Variants in PARD3B observed in about 807,000 individuals in gnomAD.
PARD3B encodes the protein partitioning defective 3 homolog B.
Under a neutral mutation model 130.2 loss-of-function variants are expected in PARD3B, and 103 were observed. The ratio of observed to expected loss-of-function variants is 0.79; its 90% CI spans 0.67 to 0.93. PARD3B has a LOEUF of 0.93. Ranked by LOEUF, PARD3B falls within the 40% of genes least tolerant of loss-of-function variation. PARD3B has a pLI of 0.00. For missense variants in PARD3B, 1,609 were observed against 1,499.2 expected (o/e 1.07, Z -1.21); for synonymous variants, 583 against 553.2 (o/e 1.05, Z -0.76).
In PARD3B at chr2:205,230,318, C is replaced by T. The variant is rs2038769544; in HGVS notation, c.2141-15460C>T. On this transcript the variant is annotated intron_variant, in intron 15 of 22. Coordinates refer to ENST00000406610, the MANE Select transcript of PARD3B (RefSeq NM_001302769.2). The surrounding 1 kb of genome is among the most constrained non-coding windows in gnomAD (Gnocchi z 4.1). Reference sequence around the variant, plus strand: ...TGCCTGGCTACTGCTGCTAATTATTCAGGACCCACATTTTCTTTAGTCAGC... The same window carrying T: ...TGCCTGGCTACTGCTGCTAATTATTTAGGACCCACATTTTCTTTAGTCAGC... 6.6e-6 allele frequency among the ~76,000 whole-genome samples: 1 copy of T among 152,130 alleles called. No individual in the cohort carries two copies. Among genetic ancestry groups the T allele is most frequent in the Non-Finnish European group, 1.5e-5 (1 of 68,014 alleles).
chr2:204,974,765 T>C (rs1439233947), intron 3 of PARD3B, among the ~76,000 whole-genome samples: 1 of 152,238 alleles, frequency 6.6e-6, no homozygotes, highest in Admixed American at 6.5e-5. Flanking sequence ...TCTTTTTAGA[T>C]GATTGGTCTT....
chr2:204,760,575 C>G (rs76667426), intron 2 of PARD3B, among the ~76,000 whole-genome samples: 2,841 of 152,072 alleles, frequency 0.019, 38 homozygotes, highest in South Asian at 0.051. Context: ...AAGGAAGTTT[C>G]AACTTCTTGG....
At chr2:205,556,147 G>A (rs527951869) in intron 22 of PARD3B, among the ~76,000 whole-genome samples, 1 of 152,292 alleles carries the variant, frequency 6.6e-6, no homozygotes, top group Non-Finnish European at 1.5e-5. Flanking sequence ...CTTCATCACA[G>A]AGGCCGGGAG....
At chr2:205,023,852 A>T (rs1696815585) in intron 3 of PARD3B, among the ~76,000 whole-genome samples, 1 of 152,112 alleles carries the variant, frequency 6.6e-6, no homozygotes, top group Non-Finnish European at 1.5e-5. Flanking sequence ...CGGCAGCTCC[A>T]GATCTTGACT....
chr2:204,617,593 C>T (rs574106704), intron 1 of PARD3B, among the ~76,000 whole-genome samples: 3 of 152,060 alleles, frequency 2.0e-5, no homozygotes, highest in East Asian at 3.9e-4. Context: ...TCAAGGGGTA[C>T]ATGTGCAGGT....
intron 11 of PARD3B, among the ~76,000 whole-genome samples, chr2:205,167,272 G>T (rs1323071082): frequency 6.6e-6 from 1 of 152,100 alleles, no homozygotes; most frequent in East Asian, 1.9e-4. Context: ...AAGCTTTAGA[G>T]GACACATGGA....
At chr2:205,601,751 G>A (rs1275239281) in intron 22 of PARD3B, among the ~76,000 whole-genome samples, 1 of 152,164 alleles carries the variant, frequency 6.6e-6, no homozygotes, top group Non-Finnish European at 1.5e-5. Context: ...TTATTAAATA[G>A]GTTTCTAGTA....
chr2:205,076,167 G>T (rs1442705315), intron 4 of PARD3B, among the ~76,000 whole-genome samples: 1 of 152,118 alleles, frequency 6.6e-6, no homozygotes, highest in African/African-American at 2.4e-5. Flanking sequence ...CACAGTGCAG[G>T]TTTAAAGCTG....
At chr2:204,979,820 T>C (rs145883417) in intron 3 of PARD3B, among the ~76,000 whole-genome samples, 19 of 152,264 alleles carry the variant, frequency 1.2e-4, no homozygotes, top group Admixed American at 1.2e-3. Context: ...CCTCACACTA[T>C]ATACAAAAAT....
At chr2:204,771,033 A>G (rs1025234592) in intron 2 of PARD3B, among the ~76,000 whole-genome samples, 7 of 152,132 alleles carry the variant, frequency 4.6e-5, no homozygotes, top group Non-Finnish European at 8.8e-5. Context: ...TGTTTAGCAA[A>G]TCGCTGGTGT....
chr2:204,806,433 A>G (rs1281405889), intron 2 of PARD3B, among the ~76,000 whole-genome samples: 1 of 152,186 alleles, frequency 6.6e-6, no homozygotes, highest in Non-Finnish European at 1.5e-5. Context: ...CTGGATATTT[A>G]TATGTAGAAG....
At chr2:205,174,071 A>G (rs1444381128) in intron 12 of PARD3B, among the ~76,000 whole-genome samples, 1 of 152,240 alleles carries the variant, frequency 6.6e-6, no homozygotes, top group East Asian at 1.9e-4. Flanking sequence ...CTATGGTTCT[A>G]AAAGAGTTAG....
chr2:205,559,760 G>A (rs73060170), intron 22 of PARD3B, among the ~76,000 whole-genome samples: 4,176 of 151,818 alleles, frequency 0.028, 179 homozygotes, highest in African/African-American at 0.092. Flanking sequence ...CACCATGCCC[G>A]GCTAATTTTT....
At chr2:204,826,402 A>G (rs1345263479) in intron 2 of PARD3B, among the ~76,000 whole-genome samples, 2 of 152,180 alleles carry the variant, frequency 1.3e-5, no homozygotes, top group Non-Finnish European at 2.9e-5. Context: ...AAGCTGTCAA[A>G]TTGGGATAAG....
chr2:205,409,094 G>A (rs2046508983), intron 19 of PARD3B, among the ~76,000 whole-genome samples: 1 of 152,152 alleles, frequency 6.6e-6, no homozygotes, highest in African/African-American at 2.4e-5. Flanking sequence ...TTACTTGGTG[G>A]TGTTTCTCAG....
intron 22 of PARD3B, among the ~76,000 whole-genome samples, chr2:205,574,189 C>T (rs533842068): frequency 6.6e-6 from 1 of 152,300 alleles, no homozygotes; most frequent in Non-Finnish European, 1.5e-5. Context: ...GTGGCAACTT[C>T]CTGGTGAGAA....
chr2:204,778,790 T>A (rs928598423), intron 2 of PARD3B, among the ~76,000 whole-genome samples: 1 of 152,126 alleles, frequency 6.6e-6, no homozygotes, highest in African/African-American at 2.4e-5. Context: ...TTAATTGATG[T>A]CCTGGCACCT....
At chr2:205,205,012 A>G (rs552248929) in intron 15 of PARD3B, among the ~76,000 whole-genome samples, 60 of 152,160 alleles carry the variant, frequency 3.9e-4, no homozygotes, top group African/African-American at 1.3e-3. Flanking sequence ...TGATGGGGAT[A>G]GCATTAAATC....
intron 21 of PARD3B, among the ~76,000 whole-genome samples, chr2:205,505,790 C>A (rs149564194): frequency 2.2e-4 from 34 of 152,114 alleles, no homozygotes; most frequent in African/African-American, 7.2e-4. Context: ...CAATGAGATG[C>A]CTCTGAAGTT....
Sources: gnomAD v4.1 joint callset for allele counts (sites outside exome capture counted in the v4.1 genomes callset) on GRCh38, gnomAD v4.1.1 for gene constraint, Gnocchi (gnomAD v3.1) non-coding constraint, MANE v1.5 for transcripts, NCBI Gene and HGNC (gene_info 2026-07-23, HGNC 2026-07-21) for gene names.